The following MINDY2 variants were observed in gnomAD, a reference collection of about 807,000 sequenced individuals.
MINDY2 encodes MINDY lysine 48 deubiquitinase 2, also known as ubiquitin carboxyl-terminal hydrolase MINDY-2.
Under a neutral mutation model 68.2 loss-of-function variants are expected in MINDY2, and 52 were observed. The observed-to-expected ratio is 0.76, with a 90% confidence interval of 0.61 to 0.96. The LOEUF (loss-of-function observed/expected upper bound fraction) is 0.96, where lower values mean the gene tolerates loss of function less well. MINDY2 is among the 40% of genes least tolerant of loss of function. MINDY2 has a pLI of 0.00. For synonymous variants in MINDY2, 372 were observed against 303.0 expected (o/e 1.23, Z -2.36); for missense variants, 881 against 773.4 (o/e 1.14, Z -1.65).
At chr15:58,799,578 C>CAAAA (rs34347740) in intron 2 of MINDY2, among the ~76,000 whole-genome samples, 1 of 115,160 alleles carries the variant, frequency 8.7e-6, no homozygotes, top group Admixed American at 8.6e-5. Flanking sequence ...GACTCCATCT[C>CAAAA]AAAAAAAAAA....
intron 4 of MINDY2, among the ~76,000 whole-genome samples, chr15:58,819,375 G>C (rs1301327940): frequency 6.6e-6 from 1 of 152,122 alleles, no homozygotes; most frequent in Non-Finnish European, 1.5e-5. Context: ...TTGAGCCTGG[G>C]AGGTCGAGGC....
intron 1 of MINDY2, among the ~76,000 whole-genome samples, chr15:58,774,822 T>C (rs1433176104): frequency 1.3e-5 from 2 of 152,186 alleles, no homozygotes; most frequent in Non-Finnish European, 2.9e-5. Context: ...GTGTGCAGCA[T>C]AGGAGGTAAA....
At chr15:58,829,393 G>C (rs1338066386) in intron 5 of MINDY2, among the ~76,000 whole-genome samples, 1 of 152,148 alleles carries the variant, frequency 6.6e-6, no homozygotes, top group Non-Finnish European at 1.5e-5. Context: ...AATTCTCCTA[G>C]GTTACTGTCT....
chr15:58,776,884 A>C (rs1900806093), intron 1 of MINDY2, among the ~76,000 whole-genome samples: 1 of 152,052 alleles, frequency 6.6e-6, no homozygotes, highest in Admixed American at 6.6e-5. Context: ...ATAAGGAAAA[A>C]AGAGAGGTAG....
chr15:58,851,766 A>G lies in MINDY2; in HGVS notation c.1543-5A>G, dbSNP rs761428842. ...GCTAATGATGGTTATAATTTAATTT[A>G]TTAGGATTATCTTATGGCATTATCT... On this transcript the variant is annotated splice_region_variant and splice_polypyrimidine_tract_variant and intron_variant, in intron 7 of 8. Transcript: ENST00000559228. 6.4e-7 allele frequency: 1 copy of G among 1,553,716 alleles called. No homozygotes were observed. Among genetic ancestry groups the G allele is most frequent in the South Asian group, 1.2e-5 (1 of 81,742 alleles).
In MINDY2 at chr15:58,858,452, T is replaced by A. The variant is rs1292435908; in HGVS notation, c.*3842T>A. The A allele has an allele frequency of 6.6e-6, 1 of 152,144 alleles. No individual in the cohort carries two copies. Among genetic ancestry groups the A allele is most frequent in the African/African-American group, 2.4e-5 (1 of 41,460 alleles). 9.4% of individuals were successfully genotyped at this position (152,144 alleles called of 1,614,324 possible). ...AACCTTCTTAGCATTTTGCTTTCAA[T>A]GAATCAGAAAGTCAATTCACTAAGA... On this transcript the variant is annotated 3_prime_UTR_variant, in exon 9 of 9. Transcript: ENST00000559228.
chr15:58,793,094 G>T (rs1031100913), intron 2 of MINDY2, among the ~76,000 whole-genome samples: 1 of 152,222 alleles, frequency 6.6e-6, no homozygotes, highest in Non-Finnish European at 1.5e-5. Context: ...AAGAGATGGG[G>T]TGAAATGGGG....
rs1900381287 is a variant in MINDY2 at position 58,771,483 on chromosome 15, C to G, written c.88C>G (p.Leu30Val). 34 of 1,612,410 alleles carry G rather than the reference C, an allele frequency of 2.1e-5. No individual in the cohort carries two copies. Among genetic ancestry groups the G allele is most frequent in the Non-Finnish European group, 2.9e-5 (34 of 1,179,838 alleles). The change falls in exon 1 of 9, where the codon CTA becomes GTA. Residue 30 changes from leucine to valine, a missense_variant. By Grantham distance (32) the Leu-to-Val change is conservative. Coordinates refer to ENST00000559228, the MANE Select transcript of MINDY2 (RefSeq NM_001040450.3). ...ASGTGSSQEG[L>V]QETRLAAGDG... ...AGGGACAGGTTCTTCGCAGGAAGGG[C>G]TACAGGAGACCAGGCTCGCCGCTGG... is the stretch of plus-strand genomic sequence containing the variant.
rs57658375 is a variant in MINDY2 at position 58,795,178 on chromosome 15, AAAATAAAT to A, written c.899-7118_899-7111del. On this transcript the variant is annotated intron_variant, in intron 2 of 8. Coordinates refer to ENST00000559228, the MANE Select transcript of MINDY2 (RefSeq NM_001040450.3). ...GCACCAGAGCGAGACTCGTCTCCAA[AAAATAAAT>A]AAATAAATAAATAAATCTGTGGAAG... is the stretch of plus-strand genomic sequence containing the variant. Among the ~76,000 whole-genome samples the A allele has an allele frequency of 6.7e-4, 100 of 150,010 alleles. 2 individuals are homozygous for A. The highest frequency in any genetic ancestry group is 1.0e-4 in the Non-Finnish European group (7 of 67,722).
chr15:58,804,177 C>G (rs1325196849), intron 3 of MINDY2, among the ~76,000 whole-genome samples: 2 of 151,636 alleles, frequency 1.3e-5, no homozygotes, highest in Admixed American at 1.3e-4. Context: ...GATTTGTATT[C>G]TAAGTGATTT....
At chr15:58,842,922 A>G (rs1239782721) in intron 6 of MINDY2, among the ~76,000 whole-genome samples, 4 of 152,164 alleles carry the variant, frequency 2.6e-5, no homozygotes, top group South Asian at 2.1e-4. Context: ...TTGACTTTCA[A>G]GTCAACAACT....
chr15:58,849,698 A>G (rs1056799915), intron 7 of MINDY2, among the ~76,000 whole-genome samples: 2 of 152,194 alleles, frequency 1.3e-5, no homozygotes, highest in South Asian at 2.1e-4. Context: ...CTTTATATCC[A>G]TGAGATAGTC....
At chr15:58,788,393 C>A (rs1338613800) in intron 2 of MINDY2, among the ~76,000 whole-genome samples, 1 of 152,196 alleles carries the variant, frequency 6.6e-6, no homozygotes, top group African/African-American at 2.4e-5. Flanking sequence ...TATCAGGCTA[C>A]AGTGAGGTAG....
At chr15:58,799,641 C>G (rs1299993695) in intron 2 of MINDY2, among the ~76,000 whole-genome samples, 1 of 151,352 alleles carries the variant, frequency 6.6e-6, no homozygotes, top group Non-Finnish European at 1.5e-5. Context: ...AATTGCTTTC[C>G]TAATACCTAG....
At chr15:58,817,158 C>G (rs1200621719) in intron 4 of MINDY2, among the ~76,000 whole-genome samples, 1 of 152,010 alleles carries the variant, frequency 6.6e-6, no homozygotes, top group Non-Finnish European at 1.5e-5. Context: ...TAAAGGCATT[C>G]CAAACAGAAT....
chr15:58,772,211 C>T lies in MINDY2; in HGVS notation c.816C>T (p.Leu272=), dbSNP rs199692730. ...GACCCTGCCCCTTGCTGGCCATCCT[C>T]AATGTTTTGCTCCTGGCCTGGAAGG... The part of the protein sequence containing the change: ...ENGPCPLLAI[L]NVLLLAWKVK... The change falls in exon 1 of 9, where the codon CTC becomes CTT. Residue 272 remains leucine, a synonymous_variant. Transcript: ENST00000559228. The T allele has an allele frequency of 3.7e-6, 6 of 1,612,510 alleles. No homozygotes were observed. The East Asian group carries it at 8.9e-5, about 24-fold the overall frequency.
At chr15:58,837,081 A>G (rs77656700) in intron 6 of MINDY2, among the ~76,000 whole-genome samples, 4,941 of 152,242 alleles carry the variant, frequency 0.032, 286 homozygotes, top group African/African-American at 0.11. Flanking sequence ...AATAAAATTT[A>G]GGGAAGGGGT....
chr15:58,852,079 G>C, intron 8 of MINDY2, 114 bp downstream of exon 8: 3 of 743,166 alleles, frequency 4.0e-6, no homozygotes, highest in South Asian at 2.1e-5. Context: ...TTGAGCCCAG[G>C]AGTTCGAGAC....
chr15:58,795,133 G>C (rs1180538460), intron 2 of MINDY2, among the ~76,000 whole-genome samples: 1 of 151,726 alleles, frequency 6.6e-6, no homozygotes, highest in African/African-American at 2.4e-5. Context: ...CCGAGATCGC[G>C]CTACTGCACT....
Sources: gnomAD v4.1 joint callset for allele counts (sites outside exome capture counted in the v4.1 genomes callset) on GRCh38, gnomAD v4.1.1 for gene constraint, MANE v1.5 for transcripts, NCBI Gene and HGNC (gene_info 2026-07-23, HGNC 2026-07-21) for gene names.